Variants in NUMB observed in about 807,000 individuals in gnomAD.
NUMB encodes the protein NUMB endocytic adaptor protein, also known as protein numb homolog.
Under a neutral mutation model 59.7 loss-of-function variants are expected in NUMB, and 29 were observed. The observed-to-expected ratio is 0.49, with a 90% CI of 0.36 to 0.66. The LOEUF is 0.66. Ranked by LOEUF, NUMB falls within the 30% of genes least tolerant of loss-of-function variation. NUMB has a pLI of 0.00. For missense variants in NUMB, 723 were observed against 822.0 expected (o/e 0.88, Z 1.47); for synonymous variants, 288 against 288.2 (o/e 1.00, Z 0.01).
intron 5 of NUMB, among the ~76,000 whole-genome samples, chr14:73,321,133 T>C (rs1891380948): frequency 6.6e-6 from 1 of 152,166 alleles, no homozygotes; most frequent in Non-Finnish European, 1.5e-5. Flanking sequence ...TTTCTCAATA[T>C]GTTCTGGGCA....
chr14:73,356,418 A>G (rs1024737796), intron 3 of NUMB, among the ~76,000 whole-genome samples: 4 of 152,162 alleles, frequency 2.6e-5, no homozygotes, highest in African/African-American at 9.7e-5. Flanking sequence ...TGAGATGGGC[A>G]GATCACTTGA....
rs141799804 is a variant in NUMB at position 73,366,305 on chromosome 14, T to C, written c.-16+592A>G. Among the ~76,000 whole-genome samples the C allele has an allele frequency of 5.2e-3, 793 of 152,350 alleles. 4 individuals are homozygous for C. Among genetic ancestry groups the C allele is most frequent in the Middle Eastern group, 0.014 (4 of 294 alleles). ...AAGAATGAATGATATTCTTTAGATCTAACTTATTCAAGTTTAATTTTGGTT... is the reference window on the plus strand; with the variant it reads ...AAGAATGAATGATATTCTTTAGATCCAACTTATTCAAGTTTAATTTTGGTT... On this transcript the variant is annotated intron_variant, in intron 3 of 12. Coordinates refer to ENST00000555238, the MANE Select transcript of NUMB (RefSeq NM_001005743.2).
intron 5 of NUMB, chr14:73,322,687 A>G (rs1390607760): frequency 6.6e-6 from 1 of 152,316 alleles, no homozygotes; most frequent in African/African-American, 2.4e-5. Flanking sequence ...TTAGAATACT[A>G]TTCTTCTATC....
At chr14:73,320,106 TG>T (rs1335198965) in intron 5 of NUMB, among the ~76,000 whole-genome samples, 1 of 151,662 alleles carries the variant, frequency 6.6e-6, no homozygotes, top group Non-Finnish European at 1.5e-5. Context: ...CACTCCAACC[TG>T]GGTGACAGAG....
At chr14:73,448,552 G>A (rs1238323965) in intron 1 of NUMB, among the ~76,000 whole-genome samples, 5 of 151,908 alleles carry the variant, frequency 3.3e-5, no homozygotes, top group Non-Finnish European at 7.4e-5. Context: ...CCTTATCTAA[G>A]GAAGATACAG....
intron 5 of NUMB, among the ~76,000 whole-genome samples, chr14:73,318,002 C>CA (rs1167797842): frequency 1.3e-5 from 2 of 152,098 alleles, no homozygotes; most frequent in South Asian, 2.1e-4. Context: ...TCACAAACAG[C>CA]AAAAAATATT....
chr14:73,335,057 T>C lies in NUMB; in HGVS notation c.127-11853A>G, dbSNP rs566809245. Among the ~76,000 whole-genome samples, 4 of 152,136 alleles carry C rather than the reference T, an allele frequency of 2.6e-5. No homozygotes were observed. The South Asian group carries it at 8.3e-4, about 32-fold the overall frequency. The stretch of plus-strand genomic sequence containing the variant: ...CCACTTTCTTATCTGTAGTATTATA[T>C]ACCTGTGCTTTCTTTCATTTTCCAT... On this transcript the variant is annotated intron_variant, in intron 4 of 12. Coordinates refer to ENST00000555238, the MANE Select transcript of NUMB (RefSeq NM_001005743.2).
intron 2 of NUMB, among the ~76,000 whole-genome samples, chr14:73,395,037 TTGTGTGTGTGTGTGTGTGTG>T (rs3028731): frequency 5.8e-4 from 70 of 119,998 alleles, no homozygotes; most frequent in African/African-American, 1.4e-3. Context: ...ATTCGTGTGT[TTGTGTGTGTGTGTGTGTGTG>T]TGTGTGTGTG....
At chr14:73,353,077 T>C (rs1265623503) in intron 4 of NUMB, among the ~76,000 whole-genome samples, 4 of 90,938 alleles carry the variant, frequency 4.4e-5, no homozygotes, top group Non-Finnish European at 9.0e-5. Flanking sequence ...TTCTTGTTTT[T>C]TTTTTTTTTT....
intron 2 of NUMB, among the ~76,000 whole-genome samples, chr14:73,383,186 G>A (rs1055618466): frequency 6.6e-6 from 1 of 152,050 alleles, no homozygotes; most frequent in Non-Finnish European, 1.5e-5. Context: ...GGGATCCAGG[G>A]ATCCAGACAT....
At chr14:73,300,974 T>C (rs1566733464) in intron 6 of NUMB, among the ~76,000 whole-genome samples, 1 of 152,200 alleles carries the variant, frequency 6.6e-6, no homozygotes. Flanking sequence ...AGAAGAGTCA[T>C]TCACCAGCAA....
intron 1 of NUMB, among the ~76,000 whole-genome samples, chr14:73,437,329 G>A (rs1051588967): frequency 6.6e-6 from 1 of 152,060 alleles, no homozygotes; most frequent in African/African-American, 2.4e-5. Flanking sequence ...AAGCCATCAC[G>A]CCTGGCCTAT....
chr14:73,347,310 A>G lies in NUMB; in HGVS notation c.126+8316T>C, dbSNP rs182027347. ...AACAGCTTTACTGAAATATATTTAT[A>G]TAAGAAACTGTACATATTTAAACTC... On this transcript the variant is annotated intron_variant, in intron 4 of 12. Coordinates refer to ENST00000555238, the MANE Select transcript of NUMB (RefSeq NM_001005743.2). Among the ~76,000 whole-genome samples, 298 of 152,324 alleles carry G rather than the reference A, an allele frequency of 2.0e-3. 2 individuals carry two copies. Among genetic ancestry groups the G allele is most frequent in the African/African-American group, 6.3e-3 (262 of 41,574 alleles).
chr14:73,358,708 T>A (rs1893946143), intron 3 of NUMB, among the ~76,000 whole-genome samples: 1 of 151,876 alleles, frequency 6.6e-6, no homozygotes, highest in Admixed American at 6.6e-5. Flanking sequence ...TATTATTGTA[T>A]GCATCAACCT....
intron 1 of NUMB, among the ~76,000 whole-genome samples, chr14:73,436,654 A>AT (rs1898064835): frequency 1.3e-5 from 2 of 151,988 alleles, no homozygotes; most frequent in Admixed American, 1.3e-4. Context: ...TCAGAAGCAA[A>AT]TAAGTCACAG....
intron 1 of NUMB, among the ~76,000 whole-genome samples, chr14:73,442,728 ACAG>A (rs574568018): frequency 1.1e-4 from 17 of 152,248 alleles, no homozygotes; most frequent in Non-Finnish European, 2.5e-4. Context: ...ATAATGACAG[ACAG>A]CAGATTAGGA....
intron 2 of NUMB, among the ~76,000 whole-genome samples, chr14:73,389,730 T>G (rs1895752437): frequency 6.6e-6 from 1 of 152,188 alleles, no homozygotes; most frequent in African/African-American, 2.4e-5. Flanking sequence ...AGTTCACACA[T>G]GAAGAAAATG....
chr14:73,306,663 A>T (rs1317858884), intron 6 of NUMB, among the ~76,000 whole-genome samples: 1 of 152,216 alleles, frequency 6.6e-6, no homozygotes. Context: ...GCTCAGCCCT[A>T]GGTGTCATCT....
intron 2 of NUMB, among the ~76,000 whole-genome samples, chr14:73,370,569 G>A (rs1296505323): frequency 6.6e-6 from 1 of 152,102 alleles, no homozygotes; most frequent in Non-Finnish European, 1.5e-5. Context: ...GCACATGCCT[G>A]TAATCCCAGC....
Sources: gnomAD v4.1 joint callset for allele counts (sites outside exome capture counted in the v4.1 genomes callset) on GRCh38, gnomAD v4.1.1 for gene constraint, MANE v1.5 for transcripts, NCBI Gene and HGNC (gene_info 2026-07-23, HGNC 2026-07-21) for gene names.